HLCS: variants seen among roughly 807,000 people sequenced by gnomAD.
HLCS encodes the protein holocarboxylase synthetase.
A neutral mutation model predicts 75.0 loss-of-function variants in HLCS; 53 were observed. The observed-to-expected ratio is 0.71, with a 90% confidence interval of 0.57 to 0.89. The LOEUF (loss-of-function observed/expected upper bound fraction) is 0.89. HLCS is among the 40% of genes least tolerant of loss of function. The pLI is 0.00. For synonymous variants in HLCS, 431 were observed against 428.6 expected (o/e 1.01, Z -0.07); for missense variants, 966 against 1,074.0 (o/e 0.90, Z 1.41).
At chr21:36,966,825 G>GGGCGGGGGGGGGGGGA (rs2068625603), upstream of HLCS, among the ~76,000 whole-genome samples, 1 of 147,190 alleles carries the variant, frequency 6.8e-6, no homozygotes, top group African/African-American at 2.5e-5. Flanking sequence ...AGGGGCGGGG[G>GGGCGGGGGGGGGGGGA]GGGGTGAGGC....
chr21:36,895,324 G>T (rs1209237578), intron 6 of HLCS, among the ~76,000 whole-genome samples: 3 of 152,110 alleles, frequency 2.0e-5, no homozygotes, highest in Non-Finnish European at 4.4e-5. Flanking sequence ...AGTAACAAAG[G>T]ATTATTACAG....
chr21:36,918,708 GTTC>G (rs1350468462), intron 5 of HLCS, among the ~76,000 whole-genome samples: 1 of 152,216 alleles, frequency 6.6e-6, no homozygotes, highest in Non-Finnish European at 1.5e-5. Context: ...AACATTCAGG[GTTC>G]TTCTGCATAT....
At chr21:36,884,194 C>T (rs2064351773) in intron 6 of HLCS, among the ~76,000 whole-genome samples, 2 of 152,230 alleles carry the variant, frequency 1.3e-5, no homozygotes, top group African/African-American at 4.8e-5. Context: ...TGGCTGCCTT[C>T]AGCCAAATCC....
At chr21:36,855,957 G>T (rs1198238491) in intron 6 of HLCS, among the ~76,000 whole-genome samples, 1 of 152,118 alleles carries the variant, frequency 6.6e-6, no homozygotes, top group Admixed American at 6.5e-5. Context: ...GATCAAAGAA[G>T]CCAGAGGTGA....
intron 6 of HLCS, among the ~76,000 whole-genome samples, chr21:36,883,012 C>A (rs1448618191): frequency 6.6e-6 from 1 of 151,832 alleles, no homozygotes; most frequent in Non-Finnish European, 1.5e-5. Flanking sequence ...ATGGGAGAGC[C>A]AAACAAAAAA....
intron 3 of HLCS, among the ~76,000 whole-genome samples, chr21:36,937,884 T>C (rs1416153815): frequency 6.6e-6 from 1 of 152,190 alleles, no homozygotes; most frequent in Non-Finnish European, 1.5e-5. Context: ...GGAACATAAG[T>C]TGACAATCAC....
intron 6 of HLCS, among the ~76,000 whole-genome samples, chr21:36,774,943 C>T (rs1343563817): frequency 1.3e-5 from 2 of 152,252 alleles, no homozygotes; most frequent in Admixed American, 6.5e-5. Context: ...GGATTTGACA[C>T]TACGGCCTGC....
intron 6 of HLCS, among the ~76,000 whole-genome samples, chr21:36,839,769 A>G (rs2062553878): frequency 6.6e-6 from 1 of 152,214 alleles, no homozygotes. Context: ...GAACCTTCAA[A>G]CCCAAATATG....
At chr21:36,956,614 CA>C (rs2067971817) in intron 2 of HLCS, among the ~76,000 whole-genome samples, 1 of 152,050 alleles carries the variant, frequency 6.6e-6, no homozygotes, top group Non-Finnish European at 1.5e-5. Context: ...CCTGTAGTCC[CA>C]GCTACTCGGG....
At chr21:36,793,099 T>C (rs2060919118) in intron 6 of HLCS, among the ~76,000 whole-genome samples, 1 of 152,144 alleles carries the variant, frequency 6.6e-6, no homozygotes, top group Non-Finnish European at 1.5e-5. Context: ...CCTGATTAAA[T>C]AACCTGATTC....
chr21:36,844,962 A>T (rs1208447443), intron 6 of HLCS, among the ~76,000 whole-genome samples: 1 of 152,192 alleles, frequency 6.6e-6, no homozygotes, highest in Admixed American at 6.5e-5. Context: ...TTGTAAATAC[A>T]GCAGAGAAGG....
At chr21:36,823,294 T>C (rs1165210610) in intron 6 of HLCS, among the ~76,000 whole-genome samples, 2 of 152,230 alleles carry the variant, frequency 1.3e-5, no homozygotes, top group Admixed American at 6.5e-5. Flanking sequence ...GACAGTCATC[T>C]GTGAAATATG....
At chr21:36,923,168 T>G (rs1201281413) in intron 5 of HLCS, among the ~76,000 whole-genome samples, 3 of 152,184 alleles carry the variant, frequency 2.0e-5, no homozygotes, top group Non-Finnish European at 2.9e-5. Context: ...TTTTTTGAAC[T>G]GGGAGACAAA....
intron 6 of HLCS, among the ~76,000 whole-genome samples, chr21:36,798,550 GCTCA>G (rs1160833943): frequency 3.3e-5 from 5 of 152,160 alleles, no homozygotes; most frequent in Non-Finnish European, 7.4e-5. Flanking sequence ...TGATTGATCT[GCTCA>G]CTATGTATCA....
At chr21:36,882,049 G>A (rs184089779) in intron 6 of HLCS, among the ~76,000 whole-genome samples, 2 of 152,148 alleles carry the variant, frequency 1.3e-5, no homozygotes, top group Admixed American at 1.3e-4. Context: ...TTGGGAGGCC[G>A]AAGCGGGCGG....
chr21:36,930,175 C>T (rs1187072536), intron 5 of HLCS, 76 bp downstream of exon 5: 1 of 1,300,882 alleles, frequency 7.7e-7, no homozygotes, highest in Admixed American at 1.7e-5. Context: ...CAAAATAAAA[C>T]AATTAAAGCA....
In HLCS at chr21:36,778,478, C is replaced by T. The variant is rs1229457097; in HGVS notation, c.1893-11193G>A. On this transcript the variant is annotated intron_variant, in intron 6 of 10. Transcript: ENST00000674895. ...TATTTTAGTACAGACAGGGTTTCTC[C>T]ATGTTGACCAGGCTGGTCTCTAACT... Among the ~76,000 whole-genome samples, 5 of 151,774 alleles carry T rather than the reference C, an allele frequency of 3.3e-5. No individual in the cohort carries two copies. In the East Asian group the frequency reaches 9.7e-4, roughly 29 times the overall value.
chr21:36,947,428 C>T (rs780599297), intron 2 of HLCS: 60 of 985,260 alleles, frequency 6.1e-5, no homozygotes, highest in Non-Finnish European at 7.0e-5. Flanking sequence ...AAAGCAGAAC[C>T]GCGCTGTCAC....
intron 6 of HLCS, among the ~76,000 whole-genome samples, chr21:36,825,861 G>A (rs2061990942): frequency 1.3e-5 from 2 of 152,314 alleles, no homozygotes; most frequent in South Asian, 4.1e-4. Flanking sequence ...AATGAAGAGG[G>A]GACTAGAAGG....
Sources: gnomAD v4.1 joint callset for allele counts (sites outside exome capture counted in the v4.1 genomes callset) on GRCh38, gnomAD v4.1.1 for gene constraint, MANE v1.5 for transcripts, NCBI Gene and HGNC (gene_info 2026-07-23, HGNC 2026-07-21) for gene names.